The following XYLT1 variants were observed in gnomAD, a reference collection of about 807,000 sequenced individuals.
The protein encoded by XYLT1 is beta-D-xylosyltransferase 1.
XYLT1 carries 36 observed loss-of-function variants against 91.3 expected under a neutral mutation model. The observed-to-expected ratio is 0.39, with a 90% confidence interval of 0.30 to 0.52. XYLT1 has a LOEUF of 0.52. Ranked by LOEUF, XYLT1 falls within the 20% of genes least tolerant of loss-of-function variation. The pLI is 0.68. For synonymous variants in XYLT1, 588 were observed against 532.0 expected (o/e 1.11, Z -1.45); for missense variants, 1,242 against 1,284.5 (o/e 0.97, Z 0.51).
At chr16:17,357,172 CAAAAAA>C (rs1168668915) in intron 2 of XYLT1, among the ~76,000 whole-genome samples, 2 of 41,644 alleles carry the variant, frequency 4.8e-5, no homozygotes, top group African/African-American at 1.3e-4. Flanking sequence ...GACTCGGTCT[CAAAAAA>C]AAAAAAAAAA....
chr16:17,433,495 C>T, intron 1 of XYLT1, among the ~76,000 whole-genome samples: 1 of 152,178 alleles, frequency 6.6e-6, no homozygotes. Context: ...CTGCAGTGGC[C>T]ATCTTCCCCC....
chr16:17,414,778 C>A (rs2141915183), intron 1 of XYLT1, among the ~76,000 whole-genome samples: 1 of 152,276 alleles, frequency 6.6e-6, no homozygotes, highest in Non-Finnish European at 1.5e-5. Context: ...ACTGTGTGTA[C>A]CAGCGCAGCC....
At chr16:17,371,001 G>A (rs1318859527) in intron 1 of XYLT1, among the ~76,000 whole-genome samples, 1 of 152,172 alleles carries the variant, frequency 6.6e-6, no homozygotes, top group East Asian at 1.9e-4. Flanking sequence ...TGGTTTAGTG[G>A]ATCCTAAGCT....
intron 3 of XYLT1, among the ~76,000 whole-genome samples, chr16:17,204,079 G>C (rs2032594319): frequency 6.6e-6 from 1 of 152,230 alleles, no homozygotes; most frequent in Non-Finnish European, 1.5e-5. Context: ...AGTGAGGACA[G>C]AGGTGGGAGG....
At position 17,134,188 on chromosome 16, in the gene XYLT1, G is replaced by A. The variant is rs78516776; in HGVS notation, c.2027+285C>T. On this transcript the variant is annotated intron_variant, in intron 9 of 11. Transcript: ENST00000261381. ...AGACAAATGCTACATATGATATGGTGACAAAAAGCTTCCTTCTAAAGTATA... is the reference window on the plus strand; with the variant it reads ...AGACAAATGCTACATATGATATGGTAACAAAAAGCTTCCTTCTAAAGTATA... Among the ~76,000 whole-genome samples the A allele has an allele frequency of 5.9e-3, 901 of 152,256 alleles. 28 individuals carry two copies. In the East Asian group the frequency reaches 0.064, roughly 11 times the overall value.
At chr16:17,253,329 G>A (rs2033574095) in intron 3 of XYLT1, among the ~76,000 whole-genome samples, 1 of 152,082 alleles carries the variant, frequency 6.6e-6, no homozygotes, top group South Asian at 2.1e-4. Context: ...GCTTTTAAAT[G>A]CCAATCTTAT....
At chr16:17,125,380 A>G (rs577590603) in intron 10 of XYLT1, among the ~76,000 whole-genome samples, 1 of 152,170 alleles carries the variant, frequency 6.6e-6, no homozygotes, top group Non-Finnish European at 1.5e-5. Context: ...TTTCCATTGC[A>G]TTTAAAATGC....
chr16:17,214,454 G>A (rs1296667260), intron 3 of XYLT1, among the ~76,000 whole-genome samples: 1 of 152,186 alleles, frequency 6.6e-6, no homozygotes, highest in African/African-American at 2.4e-5. Flanking sequence ...CAGTAGCTCT[G>A]AACCTGGGGC....
At chr16:17,423,940 G>A (rs66802865) in intron 1 of XYLT1, among the ~76,000 whole-genome samples, 16,069 of 152,204 alleles carry the variant, frequency 0.11, 984 homozygotes, top group Non-Finnish European at 0.15. Context: ...TGACCCAGGA[G>A]CAATTCTCAT....
At chr16:17,450,287 G>C (rs1013311192) in intron 1 of XYLT1, among the ~76,000 whole-genome samples, 4 of 152,038 alleles carry the variant, frequency 2.6e-5, no homozygotes, top group African/African-American at 9.7e-5. Flanking sequence ...GCAGTGAGCT[G>C]AGATTGCGCC....
chr16:17,388,676 G>C (rs753471748), intron 1 of XYLT1, among the ~76,000 whole-genome samples: 24 of 152,200 alleles, frequency 1.6e-4, no homozygotes, highest in Non-Finnish European at 3.1e-4. Flanking sequence ...TTTACCATAA[G>C]ATCTTAAGGA....
At chr16:17,286,012 G>C (rs2034135502) in intron 2 of XYLT1, among the ~76,000 whole-genome samples, 3 of 152,062 alleles carry the variant, frequency 2.0e-5, no homozygotes, top group Admixed American at 2.0e-4. Context: ...AACATAAACA[G>C]CAGCTAACAC....
intron 3 of XYLT1, among the ~76,000 whole-genome samples, chr16:17,232,375 C>T (rs1236592486): frequency 2.1e-5 from 3 of 141,502 alleles, no homozygotes; most frequent in Non-Finnish European, 3.0e-5. Context: ...CTGAAACATA[C>T]AGTGCATGAC....
intron 1 of XYLT1, among the ~76,000 whole-genome samples, chr16:17,408,446 C>T (rs140166948): frequency 4.6e-5 from 7 of 152,334 alleles, no homozygotes; most frequent in Admixed American, 2.0e-4. Context: ...ATTGCTCACT[C>T]CTAAATTTCC....
At chr16:17,291,544 C>T (rs1355640720) in intron 2 of XYLT1, among the ~76,000 whole-genome samples, 5 of 152,102 alleles carry the variant, frequency 3.3e-5, no homozygotes, top group Non-Finnish European at 5.9e-5. Context: ...ACACCCACCT[C>T]AATTTTCCCA....
chr16:17,268,249 C>T (rs1012712454), intron 2 of XYLT1, among the ~76,000 whole-genome samples: 9 of 152,186 alleles, frequency 5.9e-5, no homozygotes, highest in African/African-American at 2.2e-4. Context: ...CAGTGCCTCC[C>T]TTCTTCCTAA....
At chr16:17,252,189 C>T (rs555428617) in intron 3 of XYLT1, among the ~76,000 whole-genome samples, 1 of 152,254 alleles carries the variant, frequency 6.6e-6, no homozygotes, top group East Asian at 1.9e-4. Flanking sequence ...TTCCCCAGTG[C>T]ACTCAGCATT....
chr16:17,295,852 A>C (rs2034301781), intron 2 of XYLT1, among the ~76,000 whole-genome samples: 1 of 152,166 alleles, frequency 6.6e-6, no homozygotes, highest in South Asian at 2.1e-4. Flanking sequence ...CCCACATGTC[A>C]ACAAGTTCAA....
chr16:17,224,491 C>T (rs1018687046), intron 3 of XYLT1, among the ~76,000 whole-genome samples: 4 of 152,152 alleles, frequency 2.6e-5, no homozygotes, highest in African/African-American at 7.2e-5. Context: ...ACTCAGTGTA[C>T]GTGCACTTGT....
Sources: gnomAD v4.1 joint callset for allele counts (sites outside exome capture counted in the v4.1 genomes callset) on GRCh38, gnomAD v4.1.1 for gene constraint, MANE v1.5 for transcripts, NCBI Gene and HGNC (gene_info 2026-07-23, HGNC 2026-07-21) for gene names.